The following USO1 variants were observed in gnomAD, a reference collection of about 807,000 sequenced individuals.
USO1 encodes USO1 vesicle transport factor.
In USO1, 57 loss-of-function variants were observed where a neutral mutation model predicts 124.5. That is an observed-to-expected ratio of 0.46 (90% CI 0.37 to 0.57). The LOEUF is 0.57. Ranked by LOEUF, USO1 falls within the 20% of genes least tolerant of loss-of-function variation. The pLI is 0.00. For missense variants in USO1, 900 were observed against 1,040.6 expected (o/e 0.86, Z 1.86); for synonymous variants, 369 against 362.8 (o/e 1.02, Z -0.19).
chr4:75,802,760 T>C (rs1722886846), intron 17 of USO1, among the ~76,000 whole-genome samples: 1 of 136,762 alleles, frequency 7.3e-6, no homozygotes, highest in Non-Finnish European at 1.6e-5. Context: ...TTTTTTTTTT[T>C]TGAGACAGTT....
At chr4:75,808,841 G>T in intron 20 of USO1, 112 bp from the exon 21 acceptor site, 2 of 1,249,998 alleles carry the variant, frequency 1.6e-6, no homozygotes, top group South Asian at 2.9e-5. Context: ...TTTAGAGTTA[G>T]ATTTTAAAAG....
intron 10 of USO1, 85 bp downstream of exon 10, chr4:75,787,287 C>G (rs1722390718): frequency 7.4e-7 from 1 of 1,350,400 alleles, no homozygotes. Flanking sequence ...GAAGGAAAAA[C>G]TACAATAGTT....
rs1553902601 is a variant in USO1, at chr4:75,800,518, C to CCTTT, written c.1682+49_1682+50insCTTT. On this transcript the variant is annotated intron_variant, in intron 15 of 23. Transcript: ENST00000514213. Reference sequence around the variant, plus strand: ...CTAATGGCATCAAGAGATAATGATGCTTTTTTTTTTTTTTTGCCAAAGCAT... The same window carrying CCTTT: ...CTAATGGCATCAAGAGATAATGATGCCTTTTTTTTTTTTTTTTTTGCCAAAGCAT... 31 of 1,376,900 alleles carry CCTTT rather than the reference C, an allele frequency of 2.3e-5. No homozygotes were observed. In the African/African-American group the frequency reaches 4.5e-4, roughly 20 times the overall value. The allele number at this position is 1,376,900 out of a possible 1,614,324, so 85.3% of individuals were successfully genotyped here.
rs538655173 is a variant in USO1, at chr4:75,811,143, C to T, written c.2583+604C>T. 7.8e-3 allele frequency among the ~76,000 whole-genome samples: 1,187 copies of T among 151,552 alleles called. 15 individuals carry two copies. The highest frequency in any genetic ancestry group is 0.027 in the African/African-American group (1,135 of 41,280). ...AATTTATTGAAAATATTTTTGTTTT[C>T]TTTCTTTCTTTTTCTTTTTTTTTTT... On this transcript the variant is annotated intron_variant, in intron 22 of 23. Transcript: ENST00000514213.
At position 75,770,422 on chromosome 4, in the gene USO1, A is replaced by T. The variant is rs1289258807; in HGVS notation, c.296-17A>T. 6.6e-7 allele frequency: 1 copy of T among 1,510,308 alleles called. No homozygotes were observed. The highest frequency in any genetic ancestry group is 8.9e-7 in the Non-Finnish European group (1 of 1,128,488). The allele number at this position is 1,510,308 out of a possible 1,614,324, so 93.6% of individuals were successfully genotyped here. A position where few individuals can be genotyped will look rare whatever the true frequency, so the allele number is the denominator to read the frequency against. The stretch of plus-strand genomic sequence containing the variant: ...ACCTACTATTAAATTGAAATTCTTT[A>T]TTTTTGAATATTACAGAAGAAAATT... On this transcript the variant is annotated splice_polypyrimidine_tract_variant and intron_variant, in intron 4 of 23. Transcript: ENST00000514213.
rs79101947 is a variant in USO1 at position 75,740,819 on chromosome 4, G to T, written c.67-11554G>T. 1.9e-3 allele frequency among the ~76,000 whole-genome samples: 296 copies of T among 152,198 alleles called. 4 individuals carry two copies. In the East Asian group the frequency reaches 0.02, roughly 10 times the overall value. ...TGCTTGCTGTAAATAATCCAAATCA[G>T]TATGTAGTCTAAAATTGCCTCTTTC... is the stretch of plus-strand genomic sequence containing the variant. On this transcript the variant is annotated intron_variant, in intron 1 of 23. Coordinates refer to ENST00000514213, the MANE Select transcript of USO1 (RefSeq NM_003715.4).
At chr4:75,812,506 ACCAT>A in intron 23 of USO1, 131 bp downstream of exon 23, 1 of 1,154,710 alleles carries the variant, frequency 8.7e-7, no homozygotes, top group South Asian at 1.6e-5. Context: ...TGAATATGGT[ACCAT>A]CTATACTGTT....
At chr4:75,808,251 G>A (rs1016618887) in intron 20 of USO1, among the ~76,000 whole-genome samples, 1 of 152,020 alleles carries the variant, frequency 6.6e-6, no homozygotes, top group Non-Finnish European at 1.5e-5. Flanking sequence ...TTAATACCCT[G>A]GTTTTCATTA....
At chr4:75,803,278 A>G (rs1458178265) in intron 17 of USO1, among the ~76,000 whole-genome samples, 1 of 152,102 alleles carries the variant, frequency 6.6e-6, no homozygotes, top group African/African-American at 2.4e-5. Flanking sequence ...TAAAGGCTAC[A>G]TAATTATATA....
chr4:75,800,992 G>A (rs1207361741), intron 16 of USO1, 87 bp from the exon 17 acceptor site: 19 of 1,395,780 alleles, frequency 1.4e-5, no homozygotes, highest in African/African-American at 4.4e-5. Flanking sequence ...CTATCATGGA[G>A]TTAGGTTATA....
intron 1 of USO1, among the ~76,000 whole-genome samples, chr4:75,735,625 A>G (rs1305272191): frequency 6.6e-6 from 1 of 151,958 alleles, no homozygotes; most frequent in Non-Finnish European, 1.5e-5. Flanking sequence ...TACTCAAGCA[A>G]CCTTCCCACC....
At chr4:75,784,007 CA>C (rs1320978265) in intron 9 of USO1, among the ~76,000 whole-genome samples, 4 of 152,112 alleles carry the variant, frequency 2.6e-5, no homozygotes, top group African/African-American at 4.8e-5. Flanking sequence ...TACCTTTGTT[CA>C]AAACTGCTTT....
chr4:75,803,369 C>T (rs1356740995), intron 17 of USO1, among the ~76,000 whole-genome samples: 2 of 151,512 alleles, frequency 1.3e-5, no homozygotes, highest in Non-Finnish European at 2.9e-5. Flanking sequence ...AAATTCTGGC[C>T]GGGCACGGTG....
intron 1 of USO1, among the ~76,000 whole-genome samples, chr4:75,748,205 G>A (rs907610182): frequency 2.4e-5 from 3 of 127,334 alleles, no homozygotes; most frequent in South Asian, 2.6e-4. Flanking sequence ...TGCCCAGCTG[G>A]TATTTCTTTT....
chr4:75,726,730 C>T (rs889548205), intron 1 of USO1, among the ~76,000 whole-genome samples: 1 of 152,220 alleles, frequency 6.6e-6, no homozygotes, highest in Non-Finnish European at 1.5e-5. Flanking sequence ...GGCAACAAGG[C>T]AGCCTGAGCT....
intron 4 of USO1, among the ~76,000 whole-genome samples, chr4:75,758,593 T>C (rs140105029): frequency 3.0e-3 from 460 of 152,236 alleles, no homozygotes; most frequent in Non-Finnish European, 5.1e-3. Flanking sequence ...TTAAAAAACT[T>C]TTATTTTGGC....
intron 1 of USO1, 71 bp downstream of exon 1, chr4:75,724,956 C>T (rs1477044506): frequency 6.5e-7 from 1 of 1,540,734 alleles, no homozygotes; most frequent in Non-Finnish European, 8.9e-7. Flanking sequence ...ACTCGGAGAC[C>T]CGAAGGTCAC....
At chr4:75,761,708 G>GT (rs1560444308) in intron 4 of USO1, among the ~76,000 whole-genome samples, 3 of 151,824 alleles carry the variant, frequency 2.0e-5, no homozygotes, top group South Asian at 2.1e-4. Flanking sequence ...AAGTAACCAA[G>GT]TTTTTTTGGT....
chr4:75,790,552 T>C, intron 11 of USO1, 91 bp from the exon 12 acceptor site: 1 of 1,494,606 alleles, frequency 6.7e-7, no homozygotes, highest in South Asian at 1.4e-5. Context: ...GTTCTGGTTA[T>C]GATTCTTCAA....
Sources: allele counts gnomAD v4.1 joint callset (sites outside exome capture counted in the v4.1 genomes callset), GRCh38; gene constraint gnomAD v4.1.1; transcripts MANE v1.5; gene names NCBI Gene and HGNC (gene_info 2026-07-23, HGNC 2026-07-21).